The following NUMBL variants were observed in gnomAD, a reference collection of about 807,000 sequenced individuals.
The protein encoded by NUMBL is numb-like protein.
In NUMBL, 20 loss-of-function variants were observed where a neutral mutation model predicts 48.9. That is an observed-to-expected ratio of 0.41 (90% CI 0.29 to 0.59). The LOEUF (loss-of-function observed/expected upper bound fraction) is 0.59. Among genes scored for constraint, NUMBL ranks in the 20% least tolerant of loss-of-function variants. The pLI, the probability that NUMBL is intolerant of heterozygous loss-of-function variation, is 0.31. For missense variants in NUMBL, 660 were observed against 846.2 expected, an observed-to-expected ratio of 0.78 and a Z score of 2.73; for synonymous variants, 340 against 348.7, an observed-to-expected ratio of 0.98 and a Z score of 0.28.
At chr19:40,672,659 C>T (rs1018448831) in intron 8 of NUMBL, among the ~76,000 whole-genome samples, 2 of 152,222 alleles carry the variant, frequency 1.3e-5, no homozygotes, top group African/African-American at 4.8e-5. Context: ...CCATGACACA[C>T]ACTGCATGGA....
At chr19:40,686,336 T>G (rs1040520151) in intron 2 of NUMBL, among the ~76,000 whole-genome samples, 6 of 151,926 alleles carry the variant, frequency 3.9e-5, no homozygotes, top group Non-Finnish European at 5.9e-5. Flanking sequence ...GTATTTTTAG[T>G]ACAGACAGAG....
At position 40,682,640 on chromosome 19, in the gene NUMBL, G is replaced by A; in HGVS notation, c.399+88C>T. On this transcript the variant is annotated intron_variant, in intron 5 of 9. Transcript: ENST00000252891. This position sits in a 1 kb window ranked among gnomAD's most constrained non-coding sequence, Gnocchi z 4.0. ...TAGAAGGTCCCTGAGGGAGGGATGT[G>A]CAGAGGAGGCGGGAAGGTGTCCTCC... 8.2e-7 allele frequency: 1 copy of A among 1,225,988 alleles called. No homozygotes were observed. The highest frequency in any genetic ancestry group is 1.2e-6 in the Non-Finnish European group (1 of 850,162). 75.9% of individuals were successfully genotyped at this position (1,225,988 alleles called of 1,614,324 possible). A position where few individuals can be genotyped will look rare whatever the true frequency, so the allele number is the denominator to read the frequency against.
intron 6 of NUMBL, among the ~76,000 whole-genome samples, chr19:40,677,988 T>G (rs1350709980): frequency 6.6e-6 from 1 of 152,128 alleles, no homozygotes; most frequent in Non-Finnish European, 1.5e-5. Flanking sequence ...CGAAATTCGT[T>G]GACTGTACAC....
chr19:40,667,349 G>T lies in NUMBL; in HGVS notation c.*119C>A, dbSNP rs1192196430. The T allele has an allele frequency of 1.5e-6, 2 of 1,373,954 alleles. No individual in the cohort carries two copies. The highest frequency in any genetic ancestry group is 1.9e-6 in the Non-Finnish European group (2 of 1,027,860). The allele number at this position is 1,373,954 out of a possible 1,614,324, so 85.1% of individuals were successfully genotyped here. On this transcript the variant is annotated 3_prime_UTR_variant, in exon 10 of 10. Transcript: ENST00000252891. The surrounding 1 kb of genome is among the most constrained non-coding windows in gnomAD (Gnocchi z 6.1). ...TGGTTGTCGGGGTGGTTGAGGGAGG[G>T]GGGTGTTGAGAGGGTGTTGAGGGGC... is the stretch of plus-strand genomic sequence containing the variant.
chr19:40,673,865 A>T lies in NUMBL; in HGVS notation c.731-216T>A, dbSNP rs1250647887. Among the ~76,000 whole-genome samples the T allele has an allele frequency of 6.6e-6, 1 of 151,566 alleles. No individual in the cohort carries two copies. The highest frequency in any genetic ancestry group is 1.5e-5 in the Non-Finnish European group (1 of 67,922). On this transcript the variant is annotated intron_variant, in intron 7 of 9. Transcript: ENST00000252891. The surrounding 1 kb of genome is among the most constrained non-coding windows in gnomAD (Gnocchi z 5.9). ...TCTTGGAAAACCGTCCCCCAGGCTCACCCTCTGTGTCTCTCCAGCTTCCTG... is the reference window on the plus strand; with the variant it reads ...TCTTGGAAAACCGTCCCCCAGGCTCTCCCTCTGTGTCTCTCCAGCTTCCTG...
chr19:40,686,308 C>T (rs776323535), intron 2 of NUMBL, among the ~76,000 whole-genome samples: 1 of 152,110 alleles, frequency 6.6e-6, no homozygotes, highest in Non-Finnish European at 1.5e-5. Flanking sequence ...GCATGTGCCA[C>T]CACCCCTGGC....
intron 7 of NUMBL, among the ~76,000 whole-genome samples, chr19:40,674,834 GT>G (rs2081866198): frequency 6.6e-6 from 1 of 152,116 alleles, no homozygotes; most frequent in African/African-American, 2.4e-5. Context: ...AATGTTAAAT[GT>G]TTTGGAATCC....
rs1358134982 is a variant in NUMBL at position 40,688,359 on chromosome 19, TAG to T, written c.25-1366_25-1365del. On this transcript the variant is annotated intron_variant, in intron 1 of 9. Transcript: ENST00000252891. This position sits in a 1 kb window ranked among gnomAD's most constrained non-coding sequence, Gnocchi z 4.6. Reference sequence around the variant, plus strand: ...CCCACCTACACACATATCTCACACATAGAGACATAAGCACACAGTTTTAGTTT... The same window carrying T: ...CCCACCTACACACATATCTCACACATAGACATAAGCACACAGTTTTAGTTT... Among the ~76,000 whole-genome samples the T allele has an allele frequency of 6.6e-6, 1 of 152,142 alleles. No homozygotes were observed. Among genetic ancestry groups the T allele is most frequent in the Non-Finnish European group, 1.5e-5 (1 of 68,016 alleles).
In NUMBL at chr19:40,673,602, C is replaced by G; in HGVS notation, c.778G>C (p.Gly260Arg). 3.3e-6 allele frequency: 5 copies of G among 1,525,650 alleles called. No individual in the cohort carries two copies. Among genetic ancestry groups the G allele is most frequent in the Non-Finnish European group, 4.4e-6 (5 of 1,131,828 alleles). The allele number at this position is 1,525,650 out of a possible 1,614,324, so 94.5% of individuals were successfully genotyped here. Reference protein sequence around the residue: ...PTVAPGPAQPGHVSPTPATTS... With the variant: ...PTVAPGPAQPRHVSPTPATTS... ...GTGGCTGGTGTCGGGGACACGTGCC[C>G]AGGCTGGGCAGGGCCAGGAGCCACA... is the stretch of plus-strand genomic sequence containing the variant. Residue 260 changes from glycine (G) to arginine (R), a missense_variant, in exon 8 of 10, where the codon GGG becomes CGG. This residue lies in a region of NUMBL where 278 missense variants were observed against 420.6 expected (regional missense o/e 0.66). Transcript: ENST00000252891. The surrounding 1 kb of genome is among the most constrained non-coding windows in gnomAD (Gnocchi z 5.9).
At chr19:40,675,576 AACACACACACACACACACACAC>A (rs3071383) in intron 7 of NUMBL, among the ~76,000 whole-genome samples, 336 of 142,392 alleles carry the variant, frequency 2.4e-3, no homozygotes, top group Non-Finnish European at 4.2e-3. Context: ...TTATATTTTA[AACACACACACACACACACACAC>A]ACACACACAC....
intron 6 of NUMBL, among the ~76,000 whole-genome samples, chr19:40,680,671 ACTC>A (rs2081900315): frequency 6.6e-6 from 1 of 151,562 alleles, no homozygotes; most frequent in East Asian, 1.9e-4. Flanking sequence ...GTGGTCTTGA[ACTC>A]CTGAGCTCAG....
At position 40,676,913 on chromosome 19, in the gene NUMBL, C is replaced by T. The variant is rs190837008; in HGVS notation, c.730+319G>A. Among the ~76,000 whole-genome samples the T allele has an allele frequency of 3.0e-3, 454 of 152,056 alleles. 7 individuals are homozygous for T. In the East Asian group the frequency reaches 0.038, roughly 13 times the overall value. Reference sequence around the variant, plus strand: ...CACTGCAACCTCTGCCTCCAGGGTTCCAGCGATCCTCCTGCCTCAGCCTCC... The same window carrying T: ...CACTGCAACCTCTGCCTCCAGGGTTTCAGCGATCCTCCTGCCTCAGCCTCC... On this transcript the variant is annotated intron_variant, in intron 7 of 9. Coordinates refer to ENST00000252891, the MANE Select transcript of NUMBL (RefSeq NM_004756.5).
At chr19:40,689,860 A>T (rs1441436856) in intron 1 of NUMBL, among the ~76,000 whole-genome samples, 1 of 151,542 alleles carries the variant, frequency 6.6e-6, no homozygotes, top group Non-Finnish European at 1.5e-5. Context: ...GGTGGGGTGG[A>T]GTCCCAGGCA....
At chr19:40,686,657 C>CTG (rs147355867) in intron 2 of NUMBL, among the ~76,000 whole-genome samples, 82 of 150,224 alleles carry the variant, frequency 5.5e-4, no homozygotes, top group East Asian at 7.8e-4. Flanking sequence ...TGAAAGAGAT[C>CTG]TGTGTGTGTG....
rs2081858481 is a variant in NUMBL at position 40,673,454 on chromosome 19, A to G, written c.926T>C (p.Phe309Ser). 6.2e-7 allele frequency: 1 copy of G among 1,609,646 alleles called. No individual in the cohort carries two copies. Among genetic ancestry groups the G allele is most frequent in the Non-Finnish European group, 8.5e-7 (1 of 1,178,084 alleles). ...QLVRQGSFRG[F>S]PALSQKNSPF... ...CGAGTTCTTCTGGCTGAGTGCTGGGAACCCACGGAAGGAGCCCTGGCGAAC... is the reference window on the plus strand; with the variant it reads ...CGAGTTCTTCTGGCTGAGTGCTGGGGACCCACGGAAGGAGCCCTGGCGAAC... The change falls in exon 8 of 10, where the codon TTC becomes TCC. Residue 309 changes from phenylalanine to serine, a missense_variant. Phe to Ser is a radical substitution (Grantham distance 155). This residue lies in a region of NUMBL where 278 missense variants were observed against 420.6 expected (regional missense o/e 0.66). Coordinates refer to ENST00000252891, the MANE Select transcript of NUMBL (RefSeq NM_004756.5). This position sits in a 1 kb window ranked among gnomAD's most constrained non-coding sequence, Gnocchi z 5.9.
Position 40,688,991 on chromosome 19 carries a change from C to T in NUMBL, c.24+1469G>A, listed in dbSNP as rs764276848. On this transcript the variant is annotated intron_variant, in intron 1 of 9. Transcript: ENST00000252891. This position sits in a 1 kb window ranked among gnomAD's most constrained non-coding sequence, Gnocchi z 4.6. ...CAGTCACACAGATACAATGTGACTTCAGACACAATGGCAGTCACACAGGCA... is the reference window on the plus strand; with the variant it reads ...CAGTCACACAGATACAATGTGACTTTAGACACAATGGCAGTCACACAGGCA... 3.1e-4 allele frequency among the ~76,000 whole-genome samples: 47 copies of T among 152,334 alleles called. No homozygotes were observed. Among genetic ancestry groups the T allele is most frequent in the Non-Finnish European group, 6.2e-4 (42 of 68,036 alleles).
rs2081946921 is a variant in NUMBL at position 40,688,785 on chromosome 19, T to C, written c.24+1675A>G. 3.9e-5 allele frequency among the ~76,000 whole-genome samples: 6 copies of C among 152,186 alleles called. No individual in the cohort carries two copies. In the South Asian group the frequency reaches 1.2e-3, roughly 32 times the overall value. On this transcript the variant is annotated intron_variant, in intron 1 of 9. Transcript: ENST00000252891. This position sits in a 1 kb window ranked among gnomAD's most constrained non-coding sequence, Gnocchi z 4.6. ...AATAATCCCTCTAAATAGCCAGGGT[T>C]TCAGACACCAAGTCAAATACATAAC... is the stretch of plus-strand genomic sequence containing the variant.
Position 40,682,113 on chromosome 19 carries a change from T to C in NUMBL, c.399+615A>G, listed in dbSNP as rs1262636667. On this transcript the variant is annotated intron_variant, in intron 5 of 9. Transcript: ENST00000252891. The surrounding 1 kb of genome is among the most constrained non-coding windows in gnomAD (Gnocchi z 4.0). Reference sequence around the variant, plus strand: ...AACTTGCATATGCTTTCTCACTTAATGGTAGGGTCTATTATAATCCCTGTT... The same window carrying C: ...AACTTGCATATGCTTTCTCACTTAACGGTAGGGTCTATTATAATCCCTGTT... 1.3e-5 allele frequency among the ~76,000 whole-genome samples: 2 copies of C among 152,334 alleles called. No individual in the cohort carries two copies. Among genetic ancestry groups the C allele is most frequent in the African/African-American group, 4.8e-5 (2 of 41,572 alleles).
rs116376296 is a variant in NUMBL at position 40,684,807 on chromosome 19, T to C, written c.110-251A>G. On this transcript the variant is annotated intron_variant, in intron 2 of 9. Transcript: ENST00000252891. ...ATTCAGAACCATGGGGCTAAGGGGC[T>C]GGAGGTCTGGGGTGGGGGGTATGGG... 891 of 382,326 alleles carry C rather than the reference T, an allele frequency of 2.3e-3. 6 individuals carry two copies. Among genetic ancestry groups the C allele is most frequent in the African/African-American group, 0.017 (744 of 43,094 alleles). The allele number at this position is 382,326 out of a possible 1,614,324, so 23.7% of individuals were successfully genotyped here.
Sources: allele counts gnomAD v4.1 joint callset (sites outside exome capture counted in the v4.1 genomes callset), GRCh38; gene constraint gnomAD v4.1.1; regional missense constraint gnomAD v4.1.1; non-coding constraint Gnocchi (gnomAD v3.1); transcripts MANE v1.5; gene names NCBI Gene and HGNC (gene_info 2026-07-23, HGNC 2026-07-21).